Variants in ZNF540 observed in about 807,000 individuals in gnomAD.
The protein encoded by ZNF540 is CTD-3064H18.6.
Under a neutral mutation model 11.8 loss-of-function variants are expected in ZNF540, and 3 were observed. The ratio of observed to expected loss-of-function variants is 0.25; its 90% CI spans 0.12 to 0.65. The LOEUF (loss-of-function observed/expected upper bound fraction) is 0.65, where lower values mean the gene tolerates loss of function less well. ZNF540 is among the 30% of genes least tolerant of loss of function. The pLI, the probability that ZNF540 is intolerant of heterozygous loss-of-function variation, is 0.83. For synonymous variants in ZNF540, 247 were observed against 259.0 expected (o/e 0.95, Z 0.45); for missense variants, 709 against 793.1 (o/e 0.89, Z 1.27).
intron 1 of ZNF540, chr19:37,563,351 A>G (rs2042740211): frequency 6.6e-6 from 1 of 152,026 alleles, no homozygotes; most frequent in Non-Finnish European, 1.5e-5. Flanking sequence ...GAAAAAAAAG[A>G]CAAAAAGACC....
Position 37,613,397 on chromosome 19 carries a change from G to C in ZNF540, c.*134G>C. On this transcript the variant is annotated 3_prime_UTR_variant, in exon 5 of 5. Coordinates refer to ENST00000316433, the MANE Select transcript of ZNF540 (RefSeq NM_001172225.3). ...ATGTATGAGTCTTAAATACCTCTTAGTTCTCATTAAATTTAGGAAAATTCA... is the reference window on the plus strand; with the variant it reads ...ATGTATGAGTCTTAAATACCTCTTACTTCTCATTAAATTTAGGAAAATTCA... 2 of 615,282 alleles carry C rather than the reference G, an allele frequency of 3.3e-6. No homozygotes were observed. Among genetic ancestry groups the C allele is most frequent in the Non-Finnish European group, 5.0e-6 (2 of 401,712 alleles). The allele number at this position is 615,282 out of a possible 1,614,324, so 38.1% of individuals were successfully genotyped here.
chr19:37,600,663 T>C (rs1346176492), intron 3 of ZNF540, among the ~76,000 whole-genome samples: 1 of 152,202 alleles, frequency 6.6e-6, no homozygotes, highest in Non-Finnish European at 1.5e-5. Context: ...TTGTTTACAA[T>C]CATTAGTCAA....
At chr19:37,564,809 A>C (rs768072183) in intron 1 of ZNF540, 61 of 1,613,880 alleles carry the variant, frequency 3.8e-5, no homozygotes, top group Non-Finnish European at 4.8e-5. Context: ...TGAGCCACGA[A>C]TAAAAGCCTT....
intron 1 of ZNF540, chr19:37,555,726 T>A: frequency 1.7e-6 from 1 of 602,686 alleles, no homozygotes; most frequent in Non-Finnish European, 2.9e-6. Context: ...GAGACCAGGA[T>A]TTTTTGGATG....
intron 1 of ZNF540, chr19:37,565,390 A>G (rs767177847): frequency 1.2e-6 from 2 of 1,613,834 alleles, no homozygotes. Context: ...GTTGGGAGGC[A>G]CATAAAAAGG....
chr19:37,562,968 G>A (rs749253880), intron 1 of ZNF540: 1 of 152,004 alleles, frequency 6.6e-6, no homozygotes, highest in Non-Finnish European at 1.5e-5. Context: ...ATTTTTTAAT[G>A]GACTGAAAAC....
At chr19:37,576,905 T>G (rs2043261164) in intron 1 of ZNF540, among the ~76,000 whole-genome samples, 1 of 152,206 alleles carries the variant, frequency 6.6e-6, no homozygotes, top group Non-Finnish European at 1.5e-5. Context: ...GCAGTGCTTA[T>G]ATCCCTTTTT....
chr19:37,602,255 G>A (rs1427962268), intron 4 of ZNF540, among the ~76,000 whole-genome samples: 1 of 151,648 alleles, frequency 6.6e-6, no homozygotes, highest in Non-Finnish European at 1.5e-5. Context: ...AAGATAGCTT[G>A]GAAGATGGAA....
At chr19:37,566,424 C>A in intron 1 of ZNF540, 1 of 1,047,600 alleles carries the variant, frequency 9.5e-7, no homozygotes, top group African/African-American at 1.6e-5. Flanking sequence ...ATATTTTCTG[C>A]CATTTTTCTT....
Position 37,612,176 on chromosome 19 carries a change from A to G in ZNF540, c.896A>G (p.Tyr299Cys). The change falls in exon 5 of 5, where the codon TAT becomes TGT. Residue 299 changes from tyrosine (Y) to cysteine (C), a missense_variant. Tyr to Cys is a radical substitution (Grantham distance 194). Transcript: ENST00000316433. ...HKRIHTGKKS[Y>C]ECKECGKVFQ... ...AGAATTCATACTGGTAAGAAATCTT[A>G]TGAATGTAAAGAATGTGGAAAAGTT... 6.2e-7 allele frequency: 1 copy of G among 1,611,736 alleles called. No homozygotes were observed. The highest frequency in any genetic ancestry group is 8.5e-7 in the Non-Finnish European group (1 of 1,179,636).
intron 4 of ZNF540, among the ~76,000 whole-genome samples, chr19:37,604,108 A>G (rs2044062260): frequency 6.6e-6 from 1 of 151,956 alleles, no homozygotes; most frequent in African/African-American, 2.4e-5. Flanking sequence ...GTTCTTTAAA[A>G]CTTTGATAGA....
rs2044153352 is a variant in ZNF540, at chr19:37,614,095, A to T, written c.*832A>T. The T allele has an allele frequency of 5.2e-6, 2 of 381,900 alleles. No individual in the cohort carries two copies. The highest frequency in any genetic ancestry group is 7.5e-5 in the East Asian group (2 of 26,764). The allele number at this position is 381,900 out of a possible 1,614,324, so 23.7% of individuals were successfully genotyped here. A position where few individuals can be genotyped will look rare whatever the true frequency, so the allele number is the denominator to read the frequency against. On this transcript the variant is annotated 3_prime_UTR_variant, in exon 5 of 5. Coordinates refer to ENST00000316433, the MANE Select transcript of ZNF540 (RefSeq NM_001172225.3). ...GAGAAATAAACCTCAGTTGTTTATA[A>T]GCCACTGAGTCTACGATATTTTGTT... is the stretch of plus-strand genomic sequence containing the variant.
intron 1 of ZNF540, among the ~76,000 whole-genome samples, chr19:37,596,775 G>T (rs952355065): frequency 2.6e-5 from 4 of 152,064 alleles, no homozygotes; most frequent in African/African-American, 9.7e-5. Context: ...TGGCGTGAGG[G>T]CATCTATTTT....
Position 37,611,696 on chromosome 19 carries a change from T to G in ZNF540, c.416T>G (p.Ile139Ser). 6.2e-7 allele frequency: 1 copy of G among 1,613,886 alleles called. No homozygotes were observed. The highest frequency in any genetic ancestry group is 8.5e-7 in the Non-Finnish European group (1 of 1,179,948). ...EGQQGLKERS[I>S]SQKKIVSKKM... ...CAACAGGGACTTAAAGAAAGATCTATCAGTCAAAAGAAAATCGTCTCTAAA... is the reference window on the plus strand; with the variant it reads ...CAACAGGGACTTAAAGAAAGATCTAGCAGTCAAAAGAAAATCGTCTCTAAA... Residue 139 changes from isoleucine (I) to serine (S), a missense_variant, in exon 5 of 5, where the codon ATC (isoleucine) becomes AGC (serine). Coordinates refer to ENST00000316433, the MANE Select transcript of ZNF540 (RefSeq NM_001172225.3).
At chr19:37,599,776 T>C in intron 3 of ZNF540, 24 bp downstream of exon 3, 1 of 1,551,242 alleles carries the variant, frequency 6.4e-7, no homozygotes, top group East Asian at 2.3e-5. Context: ...TGTCAAATAA[T>C]GTAGACTCTG....
chr19:37,613,147 A>T lies in ZNF540; in HGVS notation c.1867A>T (p.Thr623Ser), dbSNP rs146157839. The change falls in exon 5 of 5, where the codon ACT becomes TCT. Residue 623 changes from threonine to serine, a missense_variant. By Grantham distance (58) the Thr-to-Ser change is moderately conservative. Transcript: ENST00000316433. ...GKAFRLNSHL[T>S]EHQRIHTGEK... is the part of the protein sequence containing the mutation. ...GGCCTTTAGACTTAATTCACACCTT[A>T]CTGAACATCAGAGAATTCACACTGG... 33 of 1,614,010 alleles carry T rather than the reference A, an allele frequency of 2.0e-5. No homozygotes were observed. In the Middle Eastern group the frequency reaches 8.2e-4, roughly 40 times the overall value.
rs2042969323 is a variant in ZNF540, at chr19:37,569,093, C to CAGGTGTGCACCACCATGCCTGGCTCAT, written c.-73+17429_-73+17455dup. On this transcript the variant is annotated intron_variant, in intron 1 of 4. Transcript: ENST00000592533. This position sits in a 1 kb window ranked among gnomAD's most constrained non-coding sequence, Gnocchi z 4.4. ...TCAGCCTCCTGAGTAGCTGGGCTTA[C>CAGGTGTGCACCACCATGCCTGGCTCAT]AGGTGTGCACCACCATGCCTGGCTC... Among the ~76,000 whole-genome samples the CAGGTGTGCACCACCATGCCTGGCTCAT allele has an allele frequency of 2.6e-5, 4 of 152,206 alleles. No individual in the cohort carries two copies. Among genetic ancestry groups the CAGGTGTGCACCACCATGCCTGGCTCAT allele is most frequent in the African/African-American group, 9.6e-5 (4 of 41,508 alleles).
chr19:37,561,620 G>T (rs2042718370), intron 1 of ZNF540, among the ~76,000 whole-genome samples: 2 of 152,104 alleles, frequency 1.3e-5, no homozygotes, highest in Non-Finnish European at 1.5e-5. Context: ...AGGAAATTTG[G>T]TTATGCACTG....
chr19:37,610,157 A>G (rs2044117260), intron 4 of ZNF540, among the ~76,000 whole-genome samples: 1 of 152,232 alleles, frequency 6.6e-6, no homozygotes, highest in South Asian at 2.1e-4. Flanking sequence ...GAGAGAGATT[A>G]GAGCTCCTTT....
Sources: allele counts gnomAD v4.1 joint callset (sites outside exome capture counted in the v4.1 genomes callset), GRCh38; gene constraint gnomAD v4.1.1; non-coding constraint Gnocchi (gnomAD v3.1); transcripts MANE v1.5; gene names NCBI Gene and HGNC (gene_info 2026-07-23, HGNC 2026-07-21).